RRP8: variants seen among roughly 807,000 people sequenced by gnomAD.
The protein encoded by RRP8 is ribosomal RNA-processing protein 8.
In RRP8, 48 loss-of-function variants were observed where a neutral mutation model predicts 45.0. The observed-to-expected ratio is 1.07, with a 90% CI of 0.85 to 1.36. The LOEUF (loss-of-function observed/expected upper bound fraction) is 1.36, where lower values mean the gene tolerates loss of function less well. Among genes scored for constraint, RRP8 ranks in the 40% most tolerant of loss-of-function variants. The pLI, the probability that RRP8 is intolerant of heterozygous loss-of-function variation, is 0.00. For synonymous variants in RRP8, 274 were observed against 212.4 expected (o/e 1.29, Z -2.52); for missense variants, 658 against 573.7 (o/e 1.15, Z -1.50).
chr11:6,601,616 G>A lies in RRP8; in HGVS notation c.464-14C>T, dbSNP rs770877533. ...AGGCTTTGGGACCTACAGGGAGGGA[G>A]ATGGGAAGGTGCACATGAGGCAAGA... On this transcript the variant is annotated splice_polypyrimidine_tract_variant and intron_variant, in intron 2 of 6. Coordinates refer to ENST00000254605, the MANE Select transcript of RRP8 (RefSeq NM_015324.4). 1.3e-6 allele frequency: 2 copies of A among 1,590,786 alleles called. No individual in the cohort carries two copies. Among genetic ancestry groups the A allele is most frequent in the Non-Finnish European group, 1.7e-6 (2 of 1,174,422 alleles).
Position 6,601,850 on chromosome 11 carries a change from A to T in RRP8, c.463+2T>A. ...CACACACATATACACATCCAATGGT[A>T]CCTGTTTGGTCAACATTGTCCAGGT... On this transcript the variant is annotated splice_donor_variant, in intron 2 of 6. Transcript: ENST00000254605. LOFTEE classifies it high-confidence loss of function. 6.2e-7 allele frequency: 1 copy of T among 1,606,190 alleles called. No homozygotes were observed.
chr11:6,601,180 C>T lies in RRP8; in HGVS notation c.886G>A (p.Val296Met). The change falls in exon 3 of 7, where the codon GTG becomes ATG. Residue 296 changes from valine to methionine, a missense_variant. Transcript: ENST00000254605. ...CGAAGATCCCTGGCGATGCGGTCCA[C>T]TGGCTGCAGTGGCCACTTCTTCACT... ...SQVKKWPLQPVDRIARDLRQR... is the reference protein window; with the variant it reads ...SQVKKWPLQPMDRIARDLRQR... The T allele has an allele frequency of 6.2e-7, 1 of 1,613,980 alleles. No individual in the cohort carries two copies. The highest frequency in any genetic ancestry group is 8.5e-7 in the Non-Finnish European group (1 of 1,179,930).
chr11:6,601,654 G>A (rs766959173), intron 2 of RRP8, 52 bp from the exon 3 acceptor site: 47 of 1,536,342 alleles, frequency 3.1e-5, no homozygotes, highest in South Asian at 8.6e-5. Flanking sequence ...TCTTACATTC[G>A]GAGTCACGGC....
In RRP8 at chr11:6,601,344, C is replaced by G; in HGVS notation, c.722G>C (p.Arg241Pro). 6.2e-7 allele frequency: 1 copy of G among 1,613,886 alleles called. No individual in the cohort carries two copies. The highest frequency in any genetic ancestry group is 1.1e-5 in the South Asian group (1 of 91,044). Residue 241 changes from arginine (R) to proline (P), a missense_variant, in exon 3 of 7, where the codon CGC becomes CCC. By Grantham distance (103) the Arg-to-Pro change is moderately radical. Coordinates refer to ENST00000254605, the MANE Select transcript of RRP8 (RefSeq NM_015324.4). ...HEARAGALRA[R>P]MAQRLDGARF... The stretch of plus-strand genomic sequence containing the variant: ...GGCCCCATCCAGCCGCTGTGCCATG[C>G]GGGCTCGCAAAGCCCCTGCCCGAGC...
Position 6,596,229 on chromosome 11 carries a change from A to G in RRP8, c.*3917T>C, listed in dbSNP as rs1854226266. 1 of 152,290 alleles carries G rather than the reference A, an allele frequency of 6.6e-6. No homozygotes were observed. Among genetic ancestry groups the G allele is most frequent in the South Asian group, 2.1e-4 (1 of 4,832 alleles). 9.4% of individuals were successfully genotyped at this position (152,290 alleles called of 1,614,324 possible). On this transcript the variant is annotated 3_prime_UTR_variant, in exon 7 of 7. Transcript: ENST00000254605. ...AGGTAATAGTGGTATGAATTCAGGA[A>G]GATGAAAATGAGCTCACTGGGGAAA...
At position 6,598,516 on chromosome 11, in the gene RRP8, A is replaced by G. The variant is rs562921267; in HGVS notation, c.*1630T>C. On this transcript the variant is annotated 3_prime_UTR_variant, in exon 7 of 7. Coordinates refer to ENST00000254605, the MANE Select transcript of RRP8 (RefSeq NM_015324.4). Reference sequence around the variant, plus strand: ...ATCACAATGCAATATTTAGAAGCTGAAGTAGCACTCTTCACATAGTACTTT... The same window carrying G: ...ATCACAATGCAATATTTAGAAGCTGGAGTAGCACTCTTCACATAGTACTTT... 2 of 152,396 alleles carry G rather than the reference A, an allele frequency of 1.3e-5. No homozygotes were observed. The highest frequency in any genetic ancestry group is 2.1e-4 in the South Asian group (1 of 4,832). The allele number at this position is 152,396 out of a possible 1,614,324, so 9.4% of individuals were successfully genotyped here. A position where few individuals can be genotyped will look rare whatever the true frequency, so the allele number is the denominator to read the frequency against.
chr11:6,603,413 C>G lies in RRP8; in HGVS notation c.90G>C (p.Ser30=). ...VISRPPPAAS[S]QNKGSKRRQL... Reference sequence around the variant, plus strand: ...CCCGCGAGTCACTCACCTTGTTTTGCGAGGAGGCCGCAGGCGGAGGTCGTG... The same window carrying G: ...CCCGCGAGTCACTCACCTTGTTTTGGGAGGAGGCCGCAGGCGGAGGTCGTG... Residue 30 remains serine, a synonymous_variant, in exon 1 of 7, where the codon TCG becomes TCC. Coordinates refer to ENST00000254605, the MANE Select transcript of RRP8 (RefSeq NM_015324.4). The G allele has an allele frequency of 6.2e-7, 1 of 1,601,692 alleles. No homozygotes were observed.
At position 6,600,144 on chromosome 11, in the gene RRP8, G is replaced by C. The variant is rs113031280; in HGVS notation, c.*2C>G. On this transcript the variant is annotated 3_prime_UTR_variant, in exon 7 of 7. Coordinates refer to ENST00000254605, the MANE Select transcript of RRP8 (RefSeq NM_015324.4). ...CCTCCCCTTTCAAGGAAGATCCAGA[G>C]GTCACCTGCGCTTGTAGAGACATGG... 31 of 1,566,646 alleles carry C rather than the reference G, an allele frequency of 2.0e-5. No individual in the cohort carries two copies. The African/African-American group carries it at 2.3e-4, about 12-fold the overall frequency.
Position 6,601,918 on chromosome 11 carries a change from T to G in RRP8, c.397A>C (p.Lys133Gln), listed in dbSNP as rs758398478. The change falls in exon 2 of 7, where the codon AAG becomes CAG. Residue 133 changes from lysine to glutamine, a missense_variant. Coordinates refer to ENST00000254605, the MANE Select transcript of RRP8 (RefSeq NM_015324.4). ...GSDSAEDEKR[K>Q]RKCQKHAPIN... ...GGGGCATGTTTCTGGCATTTCCTCT[T>G]TCTTTTCTCATCTTCAGCAGAGTCA... 6 of 1,614,186 alleles carry G rather than the reference T, an allele frequency of 3.7e-6. No homozygotes were observed. Among genetic ancestry groups the G allele is most frequent in the Non-Finnish European group, 3.4e-6 (4 of 1,180,036 alleles).
chr11:6,600,980 A>G lies in RRP8; in HGVS notation c.993T>C (p.His331=). The change falls in exon 4 of 7, where the codon CAT becomes CAC. Residue 331 remains histidine (H), a synonymous_variant. Transcript: ENST00000254605. ...GGTCCAGAGAAGCCAAGTCAAAGCA[A>G]TGCACAGGGTTCCGGATACTTGAAG... The part of the protein sequence containing the change: ...RLASSIRNPV[H]CFDLASLDPR... 6.2e-7 allele frequency: 1 copy of G among 1,614,204 alleles called. No homozygotes were observed. The highest frequency in any genetic ancestry group is 8.5e-7 in the Non-Finnish European group (1 of 1,180,030).
rs906384511 is a variant in RRP8 at position 6,598,620 on chromosome 11, T to A, written c.*1526A>T. 1.3e-5 allele frequency: 2 copies of A among 152,262 alleles called. No homozygotes were observed. The highest frequency in any genetic ancestry group is 4.8e-5 in the African/African-American group (2 of 41,470). 9.4% of individuals were successfully genotyped at this position (152,262 alleles called of 1,614,324 possible). A position where few individuals can be genotyped will look rare whatever the true frequency, so the allele number is the denominator to read the frequency against. ...AGGCTGTTCGGAAAGATGAGCAAAC[T>A]GCCAGTCCGATGAATATCCAGCAGA... On this transcript the variant is annotated 3_prime_UTR_variant, in exon 7 of 7. Transcript: ENST00000254605.
At chr11:6,600,420 G>T in intron 6 of RRP8, 66 bp downstream of exon 6, 1 of 1,485,542 alleles carries the variant, frequency 6.7e-7, no homozygotes, top group South Asian at 1.2e-5. Flanking sequence ...CCTCCTTCCT[G>T]AACACCAGTA....
At position 6,601,469 on chromosome 11, in the gene RRP8, C is replaced by T. The variant is rs766436679; in HGVS notation, c.597G>A (p.Lys199=). ...RNRQKNKRRC[K]NKFQPPQVPD... Reference sequence around the variant, plus strand: ...GCACCTGAGGTGGCTGAAACTTGTTCTTACATCTTCTCTTGTTCTTTTGCC... The same window carrying T: ...GCACCTGAGGTGGCTGAAACTTGTTTTTACATCTTCTCTTGTTCTTTTGCC... The change falls in exon 3 of 7, where the codon AAG becomes AAA. Residue 199 remains lysine (K), a synonymous_variant. Transcript: ENST00000254605. 5 of 1,613,900 alleles carry T rather than the reference C, an allele frequency of 3.1e-6. No individual in the cohort carries two copies. Among genetic ancestry groups the T allele is most frequent in the African/African-American group, 1.3e-5 (1 of 74,926 alleles).
chr11:6,603,507 G>T lies in RRP8; in HGVS notation c.-5C>A. On this transcript the variant is annotated 5_prime_UTR_variant, in exon 1 of 7. Transcript: ENST00000254605. ...CCACTCAGGCTCTTCGAACATGAGG[G>T]TCGGGAGGGCAGGGTCGCCGAGTCC... The T allele has an allele frequency of 6.4e-7, 1 of 1,568,208 alleles. No homozygotes were observed. Among genetic ancestry groups the T allele is most frequent in the Non-Finnish European group, 8.6e-7 (1 of 1,157,190 alleles).
rs1277815513 is a variant in RRP8 at position 6,599,105 on chromosome 11, T to C, written c.*1041A>G. 6.6e-6 allele frequency: 1 copy of C among 152,214 alleles called. No individual in the cohort carries two copies. Among genetic ancestry groups the C allele is most frequent in the African/African-American group, 2.4e-5 (1 of 41,430 alleles). 9.4% of individuals were successfully genotyped at this position (152,214 alleles called of 1,614,324 possible). On this transcript the variant is annotated 3_prime_UTR_variant, in exon 7 of 7. Transcript: ENST00000254605. ...TCCAAGGACAGAAGCTCAGAATCTA[T>C]TAAAAGTCATTAAATAGCCTATGAA... is the stretch of plus-strand genomic sequence containing the variant.
chr11:6,602,273 C>A (rs1012839262), intron 1 of RRP8, 58 bp from the exon 2 acceptor site: 7 of 1,491,596 alleles, frequency 4.7e-6, no homozygotes, highest in Non-Finnish European at 6.2e-6. Flanking sequence ...GCCTGGAGAA[C>A]AAGAAGGGAG....
intron 6 of RRP8, 58 bp downstream of exon 6, chr11:6,600,428 G>A: frequency 6.6e-7 from 1 of 1,517,662 alleles, no homozygotes; most frequent in South Asian, 1.1e-5. Flanking sequence ...CTGAACACCA[G>A]TACCCTGAAT....
Position 6,601,976 on chromosome 11 carries a change from C to T in RRP8, c.339G>A (p.Lys113=). The stretch of plus-strand genomic sequence containing the variant: ...CAAGAGCCTGTTTGTGGCATTTCTT[C>T]TTCCTTTCTACTTCTTCCTCAGAGT... ...CSDSEEEVER[K]KKCHKQALVG... Residue 113 remains lysine (K), a synonymous_variant, in exon 2 of 7, where the codon AAG becomes AAA. Coordinates refer to ENST00000254605, the MANE Select transcript of RRP8 (RefSeq NM_015324.4). The T allele has an allele frequency of 3.7e-6, 6 of 1,614,206 alleles. No homozygotes were observed. The highest frequency in any genetic ancestry group is 5.1e-6 in the Non-Finnish European group (6 of 1,180,038).
Position 6,601,355 on chromosome 11 carries a change from A to G in RRP8, c.711T>C (p.Ala237=). The change falls in exon 3 of 7, where the codon GCT becomes GCC. Residue 237 remains alanine, a synonymous_variant. Coordinates refer to ENST00000254605, the MANE Select transcript of RRP8 (RefSeq NM_015324.4). The part of the protein sequence containing the change: ...RTDSHEARAG[A]LRARMAQRLD... Reference sequence around the variant, plus strand: ...GCCGCTGTGCCATGCGGGCTCGCAAAGCCCCTGCCCGAGCCTCATGGCTGT... The same window carrying G: ...GCCGCTGTGCCATGCGGGCTCGCAAGGCCCCTGCCCGAGCCTCATGGCTGT... The G allele has an allele frequency of 6.2e-7, 1 of 1,614,086 alleles. No individual in the cohort carries two copies. The highest frequency in any genetic ancestry group is 8.5e-7 in the Non-Finnish European group (1 of 1,179,996).
Sources: gnomAD v4.1 joint callset for allele counts on GRCh38, gnomAD v4.1.1 for gene constraint, MANE v1.5 for transcripts, NCBI Gene and HGNC (gene_info 2026-07-23, HGNC 2026-07-21) for gene names.